Variants in CCDC127 observed in about 807,000 individuals in gnomAD.
CCDC127 encodes the protein coiled-coil domain-containing protein 127.
CCDC127 carries 2 observed loss-of-function variants against 4.1 expected under a neutral mutation model. The ratio of observed to expected loss-of-function variants is 0.49; its 90% CI spans 0.20 to 1.53. The LOEUF (loss-of-function observed/expected upper bound fraction) is 1.53. CCDC127 is among the 40% of genes most tolerant of loss of function. The pLI, the probability that CCDC127 is intolerant of heterozygous loss-of-function variation, is 0.23. For synonymous variants in CCDC127, 98 were observed against 120.4 expected, an observed-to-expected ratio of 0.81 and a Z score of 1.22; for missense variants, 271 against 322.9, an observed-to-expected ratio of 0.84 and a Z score of 1.23.
chr5:217,972 C>T, intron 1 of CCDC127, 121 bp downstream of exon 1: 1 of 521,652 alleles, frequency 1.9e-6, no homozygotes, highest in Non-Finnish European at 2.6e-6. Flanking sequence ...CGCCCCCCTC[C>T]GACCCCATTC....
chr5:217,115 A>T (rs1447395887), intron 1 of CCDC127: 96 of 236,414 alleles, frequency 4.1e-4, no homozygotes, highest in African/African-American at 2.0e-3. Flanking sequence ...TGGTGACAGA[A>T]CGAGACTCCG....
In CCDC127 at chr5:207,732, C is replaced by A. The variant is rs192211941; in HGVS notation, c.122-1774G>T. On this transcript the variant is annotated intron_variant, in intron 2 of 2. Transcript: ENST00000296824. The stretch of plus-strand genomic sequence containing the variant: ...GAGCACGGGATATGTTCTGCAGCCA[C>A]GAGGAGTCAAAGGAATTAACGTGAC... Among the ~76,000 whole-genome samples the A allele has an allele frequency of 2.3e-4, 35 of 152,032 alleles. No homozygotes were observed. In the East Asian group the frequency reaches 6.2e-3, roughly 27 times the overall value.
intron 2 of CCDC127, 135 bp from the exon 3 acceptor site, chr5:206,093 C>T (rs1198331618): frequency 1.5e-5 from 12 of 796,302 alleles, no homozygotes; most frequent in African/African-American, 3.5e-5. Flanking sequence ...AAGAAGATCA[C>T]TTCTACGTGA....
In CCDC127 at chr5:202,957, G is replaced by A. The variant is rs948377535; in HGVS notation, c.*2340C>T. ...GAAAAAATGACTTTTTAGGGGCCGGGTGCCGTGGCCCACACCTGTAATCCC... is the reference window on the plus strand; with the variant it reads ...GAAAAAATGACTTTTTAGGGGCCGGATGCCGTGGCCCACACCTGTAATCCC... On this transcript the variant is annotated 3_prime_UTR_variant, in exon 3 of 3. Transcript: ENST00000296824. 6.6e-6 allele frequency: 1 copy of A among 152,324 alleles called. No individual in the cohort carries two copies. The highest frequency in any genetic ancestry group is 1.9e-4 in the East Asian group (1 of 5,184). The allele number at this position is 152,324 out of a possible 1,614,324, so 9.4% of individuals were successfully genotyped here.
rs887722708 is a variant in CCDC127, at chr5:204,372, G to A, written c.*925C>T. On this transcript the variant is annotated 3_prime_UTR_variant, in exon 3 of 3. Transcript: ENST00000296824. ...CAGGATTCGACTGAGGATTCCATGAGTGAACAGGTATACAGGCTCAATTCC... is the reference window on the plus strand; with the variant it reads ...CAGGATTCGACTGAGGATTCCATGAATGAACAGGTATACAGGCTCAATTCC... The A allele has an allele frequency of 8.5e-5, 13 of 152,254 alleles. No individual in the cohort carries two copies. Among genetic ancestry groups the A allele is most frequent in the Non-Finnish European group, 5.9e-5 (4 of 68,056 alleles). 9.4% of individuals were successfully genotyped at this position (152,254 alleles called of 1,614,324 possible).
chr5:218,145 G>T lies in CCDC127; in HGVS notation c.-63C>A, dbSNP rs1384195084. The T allele has an allele frequency of 3.4e-5, 42 of 1,240,474 alleles. No homozygotes were observed. Among genetic ancestry groups the T allele is most frequent in the Non-Finnish European group, 4.2e-5 (42 of 990,778 alleles). The allele number at this position is 1,240,474 out of a possible 1,614,324, so 76.8% of individuals were successfully genotyped here. A position where few individuals can be genotyped will look rare whatever the true frequency, so the allele number is the denominator to read the frequency against. ...GTTCCCTTAACGCCACCGTCCGCGGGTCCGCTTTGCGCAGGCGCGGCGCCC... is the reference window on the plus strand; with the variant it reads ...GTTCCCTTAACGCCACCGTCCGCGGTTCCGCTTTGCGCAGGCGCGGCGCCC... On this transcript the variant is annotated 5_prime_UTR_variant, in exon 1 of 3. Coordinates refer to ENST00000296824, the MANE Select transcript of CCDC127 (RefSeq NM_145265.3).
At position 205,467 on chromosome 5, in the gene CCDC127, T is replaced by C; in HGVS notation, c.613A>G (p.Met205Val). The C allele has an allele frequency of 6.2e-7, 1 of 1,614,080 alleles. No individual in the cohort carries two copies. The highest frequency in any genetic ancestry group is 2.2e-5 in the East Asian group (1 of 44,882). The change falls in exon 3 of 3, where the codon ATG becomes GTG. Residue 205 changes from methionine to valine, a missense_variant. Transcript: ENST00000296824. Reference protein sequence around the residue: ...SVDPVAADLEMAAGLTDIFQH... With the variant: ...SVDPVAADLEVAAGLTDIFQH... ...AATATGTCGGTGAGACCGGCTGCCA[T>C]CTCTAGGTCAGCGGCGACGGGGTCG...
rs1017082860 is a variant in CCDC127, at chr5:197,087, C to A, written c.*8210G>T. The A allele has an allele frequency of 6.6e-6, 1 of 151,898 alleles. No individual in the cohort carries two copies. The highest frequency in any genetic ancestry group is 2.4e-5 in the African/African-American group (1 of 41,274). The allele number at this position is 151,898 out of a possible 1,614,324, so 9.4% of individuals were successfully genotyped here. A position where few individuals can be genotyped will look rare whatever the true frequency, so the allele number is the denominator to read the frequency against. ...TTAAGTTCAAGGGAAGGTACTATGC[C>A]TGGACGTGCACGTAGGCCAGATTTA... is the stretch of plus-strand genomic sequence containing the variant. On this transcript the variant is annotated 3_prime_UTR_variant, in exon 3 of 3. Transcript: ENST00000296824.
At chr5:208,923 G>T (rs6872854) in intron 2 of CCDC127, among the ~76,000 whole-genome samples, 37,774 of 152,100 alleles carry the variant, frequency 0.25, 7,493 homozygotes, top group African/African-American at 0.55. Flanking sequence ...CAGATGCCAA[G>T]ACCTGGATGA....
chr5:205,340 A>G lies in CCDC127; in HGVS notation c.740T>C (p.Leu247Pro). 2.5e-6 allele frequency: 4 copies of G among 1,613,736 alleles called. No homozygotes were observed. The highest frequency in any genetic ancestry group is 3.4e-6 in the Non-Finnish European group (4 of 1,179,854). Residue 247 changes from leucine to proline, a missense_variant, in exon 3 of 3, where the codon CTG becomes CCG. Leu to Pro is a moderately conservative substitution (Grantham distance 98). This residue lies in a region of CCDC127 where 265 missense variants were observed against 270.9 expected (regional missense o/e 0.98). Coordinates refer to ENST00000296824, the MANE Select transcript of CCDC127 (RefSeq NM_145265.3). ...TTCCTCTACTCTCTTAAACTTCTTCAGTTCGACAACGAGTTCCCAGTATTT... is the reference window on the plus strand; with the variant it reads ...TTCCTCTACTCTCTTAAACTTCTTCGGTTCGACAACGAGTTCCCAGTATTT... ...YLKYWELVVE[L>P]KKFKRVEEAI...
At chr5:207,084 G>A (rs1045212451) in intron 2 of CCDC127, among the ~76,000 whole-genome samples, 20 of 151,922 alleles carry the variant, frequency 1.3e-4, no homozygotes, top group South Asian at 1.0e-3. Flanking sequence ...TTTTCTCCCG[G>A]GTCATTAATG....
Position 202,355 on chromosome 5 carries a change from C to A in CCDC127, c.*2942G>T, listed in dbSNP as rs1734088642. ...ATCCCAGCACTTTGGGAGGCTGAGG[C>A]AGGTGGATCACCTGAGATCAGAAGT... On this transcript the variant is annotated 3_prime_UTR_variant, in exon 3 of 3. Coordinates refer to ENST00000296824, the MANE Select transcript of CCDC127 (RefSeq NM_145265.3). The A allele has an allele frequency of 6.6e-6, 1 of 152,366 alleles. No homozygotes were observed. Among genetic ancestry groups the A allele is most frequent in the South Asian group, 2.1e-4 (1 of 4,832 alleles). The allele number at this position is 152,366 out of a possible 1,614,324, so 9.4% of individuals were successfully genotyped here.
chr5:212,573 C>T (rs1328971794), intron 2 of CCDC127, among the ~76,000 whole-genome samples: 2 of 1,368 alleles, frequency 1.5e-3, no homozygotes, highest in Admixed American at 4.3e-3. Flanking sequence ...GCAGCCACGA[C>T]GAGACAGCAC....
rs368020674 is a variant in CCDC127 at position 205,256 on chromosome 5, T to C, written c.*41A>G. The C allele has an allele frequency of 3.9e-6, 6 of 1,554,820 alleles. No individual in the cohort carries two copies. The African/African-American group carries it at 8.2e-5, about 21-fold the overall frequency. ...GAGACCCAGAAGGCGCATGACTGCC[T>C]GGCCTCGAGTCACTAAAAGCAGTTT... On this transcript the variant is annotated 3_prime_UTR_variant, in exon 3 of 3. Transcript: ENST00000296824.
At position 203,416 on chromosome 5, in the gene CCDC127, A is replaced by G. The variant is rs1011131625; in HGVS notation, c.*1881T>C. ...CCCTTAGCAGGGCGTGGGTGCCGAG[A>G]GCAGAGCATGGCAGGGGGCCCGTGT... On this transcript the variant is annotated 3_prime_UTR_variant, in exon 3 of 3. Transcript: ENST00000296824. 2 of 152,276 alleles carry G rather than the reference A, an allele frequency of 1.3e-5. No individual in the cohort carries two copies. The highest frequency in any genetic ancestry group is 4.8e-5 in the African/African-American group (2 of 41,546). The allele number at this position is 152,276 out of a possible 1,614,324, so 9.4% of individuals were successfully genotyped here.
intron 2 of CCDC127, 115 bp from the exon 3 acceptor site, chr5:206,073 C>A (rs546452290): frequency 5.5e-6 from 5 of 911,924 alleles, no homozygotes; most frequent in African/African-American, 1.7e-5. Flanking sequence ...CTTAAGACCT[C>A]GGCTGTACCA....
intron 2 of CCDC127, among the ~76,000 whole-genome samples, chr5:206,694 C>G (rs979469311): frequency 2.6e-5 from 4 of 152,178 alleles, no homozygotes; most frequent in Admixed American, 2.0e-4. Context: ...AAAAAAAGAC[C>G]GTGTGATAAC....
intron 1 of CCDC127, 62 bp from the exon 2 acceptor site, chr5:216,921 C>T (rs1266556855): frequency 2.2e-6 from 2 of 910,690 alleles, no homozygotes; most frequent in African/African-American, 3.3e-5. Flanking sequence ...TCAGTTTTAA[C>T]TATGTGCTTG....
Position 197,352 on chromosome 5 carries a change from A to C in CCDC127, c.*7945T>G, listed in dbSNP as rs1733979308. 1 of 152,154 alleles carries C rather than the reference A, an allele frequency of 6.6e-6. No homozygotes were observed. 9.4% of individuals were successfully genotyped at this position (152,154 alleles called of 1,614,324 possible). ...TAACCCATGTCAGCACAGACCCTTT[A>C]CGGGTGTCGGGCTGGGGGACGGTCA... On this transcript the variant is annotated 3_prime_UTR_variant, in exon 3 of 3. Transcript: ENST00000296824.
Sources: allele counts gnomAD v4.1 joint callset (sites outside exome capture counted in the v4.1 genomes callset), GRCh38; gene constraint gnomAD v4.1.1; regional missense constraint gnomAD v4.1.1; transcripts MANE v1.5; gene names NCBI Gene and HGNC (gene_info 2026-07-23, HGNC 2026-07-21).